Variants in SCUBE1 observed in about 807,000 individuals in gnomAD.
SCUBE1 encodes the protein signal peptide, CUB and EGF-like domain-containing protein 1.
A neutral mutation model predicts 124.4 loss-of-function variants in SCUBE1; 59 were observed. That is an observed-to-expected ratio of 0.47 (90% CI 0.38 to 0.59). SCUBE1 has a LOEUF of 0.59. SCUBE1 is among the 20% of genes least tolerant of loss of function. SCUBE1 has a pLI of 0.00. For missense variants in SCUBE1, 1,150 were observed against 1,371.2 expected (o/e 0.84, Z 2.55); for synonymous variants, 545 against 550.9 (o/e 0.99, Z 0.15).
At chr22:43,332,444 G>A (rs888944003) in intron 2 of SCUBE1, among the ~76,000 whole-genome samples, 1 of 152,156 alleles carries the variant, frequency 6.6e-6, no homozygotes, top group Non-Finnish European at 1.5e-5. Flanking sequence ...GAGCGAGTCC[G>A]TGTAGAAGCA....
rs202126323 is a variant in SCUBE1 at position 43,258,234 on chromosome 22, C to T, written c.712G>A (p.Gly238Ser). The change falls in exon 6 of 22, where the codon GGT becomes AGT. Residue 238 changes from glycine (G) to serine (S), a missense_variant. Around this residue, in one of 3 missense-constraint regions of SCUBE1, gnomAD observed 337 missense variants for 482.1 expected, o/e 0.70. Transcript: ENST00000360835. This position sits in a 1 kb window ranked among gnomAD's most constrained non-coding sequence, Gnocchi z 5.0. ...CHQKYALHSD[G>S]RTCIETCAVN... ...GCCTACTTACCGATGCACGTGCGAC[C>T]GTCTGAGTGGAGGGCGTACTTCTGG... The T allele has an allele frequency of 1.0e-4, 169 of 1,613,350 alleles. No homozygotes were observed. In the Admixed American group the frequency reaches 2.1e-3, roughly 20 times the overall value.
At chr22:43,299,051 C>CA (rs368762604) in intron 3 of SCUBE1, among the ~76,000 whole-genome samples, 99,780 of 136,270 alleles carry the variant, frequency 0.73, 37,141 homozygotes, top group Admixed American at 0.84. Flanking sequence ...GACTCCGTCT[C>CA]AAAAAAAAAA....
Position 43,343,293 on chromosome 22 carries a change from G to C in SCUBE1, c.-32C>G. 1 of 1,062,922 alleles carries C rather than the reference G, an allele frequency of 9.4e-7. No individual in the cohort carries two copies. Among genetic ancestry groups the C allele is most frequent in the Non-Finnish European group, 1.1e-6 (1 of 875,810 alleles). 65.8% of individuals were successfully genotyped at this position (1,062,922 alleles called of 1,614,324 possible). On this transcript the variant is annotated 5_prime_UTR_variant, in exon 1 of 22. Coordinates refer to ENST00000360835, the MANE Select transcript of SCUBE1 (RefSeq NM_173050.5). ...TGCGGGCCCCGCTGGGCGTGCGGGCGTGCGGGGCGCGGGGACCCGACCGAC... is the reference window on the plus strand; with the variant it reads ...TGCGGGCCCCGCTGGGCGTGCGGGCCTGCGGGGCGCGGGGACCCGACCGAC...
intron 3 of SCUBE1, among the ~76,000 whole-genome samples, chr22:43,299,139 C>T (rs1461641038): frequency 6.6e-6 from 1 of 152,050 alleles, no homozygotes; most frequent in African/African-American, 2.4e-5. Flanking sequence ...CATTTTGGGC[C>T]TTGGTTTCCT....
At chr22:43,328,490 C>T (rs1385792474) in intron 2 of SCUBE1, among the ~76,000 whole-genome samples, 1 of 152,184 alleles carries the variant, frequency 6.6e-6, no homozygotes, top group Non-Finnish European at 1.5e-5. Context: ...CTCAGGAGGA[C>T]AATCACAAAC....
chr22:43,284,667 G>A (rs1925059564), intron 4 of SCUBE1, among the ~76,000 whole-genome samples: 2 of 152,364 alleles, frequency 1.3e-5, no homozygotes, highest in South Asian at 4.1e-4. Flanking sequence ...GCACTGTAAG[G>A]ACGCAATGAA....
At chr22:43,294,862 C>T (rs748292064) in intron 3 of SCUBE1, among the ~76,000 whole-genome samples, 3 of 152,302 alleles carry the variant, frequency 2.0e-5, no homozygotes, top group East Asian at 3.9e-4. Flanking sequence ...TGAGGCTGGG[C>T]GGGGTTGCCA....
chr22:43,270,350 C>A (rs919422456), intron 4 of SCUBE1: 1 of 152,240 alleles, frequency 6.6e-6, no homozygotes, highest in Non-Finnish European at 1.5e-5. Flanking sequence ...ATAAAGGATG[C>A]TCAACCTGTG....
chr22:43,278,746 C>T (rs144708039), intron 4 of SCUBE1, among the ~76,000 whole-genome samples: 1 of 152,224 alleles, frequency 6.6e-6, no homozygotes, highest in South Asian at 2.1e-4. Context: ...CCTGCCCCCC[C>T]AGTGCAGCTC....
chr22:43,309,993 G>T (rs1204125001), intron 3 of SCUBE1, among the ~76,000 whole-genome samples: 3 of 152,186 alleles, frequency 2.0e-5, no homozygotes, highest in Non-Finnish European at 4.4e-5. Flanking sequence ...GCAGCCAGAA[G>T]CGCTTTTTAA....
chr22:43,212,366 C>T (rs1222025946), intron 17 of SCUBE1, 59 bp downstream of exon 17: 68 of 1,510,268 alleles, frequency 4.5e-5, no homozygotes, highest in South Asian at 6.2e-5. Context: ...GGAAGCCTCT[C>T]GGAGCAGTGC....
intron 2 of SCUBE1, 108 bp from the exon 3 acceptor site, chr22:43,320,173 G>T: frequency 1.5e-6 from 2 of 1,368,124 alleles, no homozygotes; most frequent in Non-Finnish European, 2.0e-6. Flanking sequence ...GATTCAACAA[G>T]TATTCACTTC....
At chr22:43,270,508 G>T (rs1924252843) in intron 4 of SCUBE1, 2 of 152,214 alleles carry the variant, frequency 1.3e-5, no homozygotes, top group Admixed American at 1.3e-4. Context: ...CCAGGGTGCC[G>T]ATTCCGATCC....
chr22:43,277,236 T>C (rs1924563386), intron 4 of SCUBE1, among the ~76,000 whole-genome samples: 1 of 152,092 alleles, frequency 6.6e-6, no homozygotes, highest in Admixed American at 6.5e-5. Context: ...AGAAGTTCAC[T>C]ATGGCTGGTT....
intron 7 of SCUBE1, chr22:43,233,343 A>C (rs1601816255): frequency 2.0e-5 from 3 of 152,408 alleles, no homozygotes; most frequent in East Asian, 1.9e-4. Context: ...CAGCCTGGGC[A>C]ACAAGAGTAA....
rs773635608 is a variant in SCUBE1, at chr22:43,212,382, T to C, written c.2221+43A>G. ...GAAGCCTCTCGGAGCAGTGCAGCCC[T>C]GCCTCTCGGGGTGGGCGGGCGTGGT... is the stretch of plus-strand genomic sequence containing the variant. On this transcript the variant is annotated intron_variant, in intron 17 of 21. Coordinates refer to ENST00000360835, the MANE Select transcript of SCUBE1 (RefSeq NM_173050.5). 5 of 1,532,124 alleles carry C rather than the reference T, an allele frequency of 3.3e-6. No individual in the cohort carries two copies. The South Asian group carries it at 6.0e-5, about 18-fold the overall frequency. The allele number at this position is 1,532,124 out of a possible 1,614,324, so 94.9% of individuals were successfully genotyped here.
At chr22:43,339,366 G>C (rs866665604) in intron 1 of SCUBE1, 131 bp from the exon 2 acceptor site, 2 of 828,888 alleles carry the variant, frequency 2.4e-6, no homozygotes, top group South Asian at 1.8e-5. Flanking sequence ...AATAACAGCT[G>C]TCACAGGACA....
chr22:43,307,471 G>A (rs187466846), intron 3 of SCUBE1, among the ~76,000 whole-genome samples: 16 of 152,312 alleles, frequency 1.1e-4, no homozygotes, highest in East Asian at 5.8e-4. Context: ...CGCAGACAAC[G>A]ACTGCATCCT....
At chr22:43,235,356 T>G (rs1319389939) in intron 7 of SCUBE1, among the ~76,000 whole-genome samples, 1 of 150,440 alleles carries the variant, frequency 6.6e-6, no homozygotes, top group African/African-American at 2.4e-5. Context: ...TGGGGGACCA[T>G]GTAGGGGAGG....
Sources: allele counts gnomAD v4.1 joint callset (sites outside exome capture counted in the v4.1 genomes callset), GRCh38; gene constraint gnomAD v4.1.1; regional missense constraint gnomAD v4.1.1; non-coding constraint Gnocchi (gnomAD v3.1); transcripts MANE v1.5; gene names NCBI Gene and HGNC (gene_info 2026-07-23, HGNC 2026-07-21).